Variants in PGBD5 observed in about 807,000 individuals in gnomAD.
PGBD5 encodes piggyBac transposable element derived 5.
A neutral mutation model predicts 47.9 loss-of-function variants in PGBD5; 14 were observed. That is an observed-to-expected ratio of 0.29 (90% CI 0.19 to 0.46). The LOEUF is 0.46. Ranked by LOEUF, PGBD5 falls within the 20% of genes least tolerant of loss-of-function variation. The pLI, the probability that PGBD5 is intolerant of heterozygous loss-of-function variation, is 1.00. For missense variants in PGBD5, 635 were observed against 716.0 expected (o/e 0.89, Z 1.29); for synonymous variants, 316 against 306.3 (o/e 1.03, Z -0.33).
chr1:230,412,098 A>C (rs1358004410), intron 1 of PGBD5, among the ~76,000 whole-genome samples: 1 of 152,144 alleles, frequency 6.6e-6, no homozygotes, highest in African/African-American at 2.4e-5. Flanking sequence ...GAGATAGAGA[A>C]GGAGAAGGGA....
At chr1:230,404,762 G>A (rs928322015) in intron 1 of PGBD5, among the ~76,000 whole-genome samples, 4 of 150,844 alleles carry the variant, frequency 2.7e-5, no homozygotes, top group Admixed American at 6.6e-5. Context: ...CAGAAATCCC[G>A]CCTCTACCAA....
chr1:230,395,991 C>T lies in PGBD5; in HGVS notation c.331+29607G>A, dbSNP rs1446746492. ...CAACCTCAAGCTCCTCTTTCTTTTGCTTCCCTCTTTCTTCCCTTTGCTTCC... is the reference window on the plus strand; with the variant it reads ...CAACCTCAAGCTCCTCTTTCTTTTGTTTCCCTCTTTCTTCCCTTTGCTTCC... On this transcript the variant is annotated intron_variant, in intron 1 of 6. Transcript: ENST00000391860. 2.4e-5 allele frequency among the ~76,000 whole-genome samples: 3 copies of T among 125,154 alleles called. No individual in the cohort carries two copies. In the East Asian group the frequency reaches 7.7e-4, roughly 32 times the overall value. 82.1% of individuals were successfully genotyped at this position (125,154 alleles called of 152,430 possible).
intron 1 of PGBD5, among the ~76,000 whole-genome samples, chr1:230,405,618 C>G (rs1281899440): frequency 6.6e-6 from 1 of 152,094 alleles, no homozygotes; most frequent in African/African-American, 2.4e-5. Flanking sequence ...TCCCCTAAGC[C>G]TTGTGTTGTT....
intron 1 of PGBD5, among the ~76,000 whole-genome samples, chr1:230,417,429 C>T (rs1216781334): frequency 6.6e-6 from 1 of 152,184 alleles, no homozygotes; most frequent in Non-Finnish European, 1.5e-5. Context: ...TGGATTCTAG[C>T]TACAGTTACT....
chr1:230,329,400 T>C (rs1459096077), intron 5 of PGBD5, among the ~76,000 whole-genome samples: 3 of 152,188 alleles, frequency 2.0e-5, no homozygotes, highest in Admixed American at 1.3e-4. Context: ...TTTCCTAAAA[T>C]TGGAAATTCT....
At chr1:230,381,226 C>T (rs1410275655) in intron 1 of PGBD5, among the ~76,000 whole-genome samples, 1 of 152,214 alleles carries the variant, frequency 6.6e-6, no homozygotes, top group African/African-American at 2.4e-5. Context: ...GTCTCCAAGC[C>T]CAGAGCACTT....
At chr1:230,358,504 G>A (rs1667693040) in intron 1 of PGBD5, among the ~76,000 whole-genome samples, 1 of 151,934 alleles carries the variant, frequency 6.6e-6, no homozygotes. Context: ...ATCTGAAGGG[G>A]CTTATTCATA....
intron 1 of PGBD5, among the ~76,000 whole-genome samples, chr1:230,405,180 G>A (rs1213803902): frequency 2.0e-5 from 3 of 148,668 alleles, no homozygotes; most frequent in Non-Finnish European, 4.5e-5. Flanking sequence ...GGGTGACAGA[G>A]TGAGACTCCA....
At chr1:230,337,077 C>A (rs761527287) in intron 4 of PGBD5, 31 bp downstream of exon 4, 1 of 1,605,766 alleles carries the variant, frequency 6.2e-7, no homozygotes, top group Non-Finnish European at 8.5e-7. Context: ...GAGGCTGGGC[C>A]GTATCCTCAC....
At position 230,357,739 on chromosome 1, in the gene PGBD5, G is replaced by A. The variant is rs1413744612; in HGVS notation, c.332-418C>T. Among the ~76,000 whole-genome samples the A allele has an allele frequency of 1.3e-5, 2 of 152,064 alleles. No homozygotes were observed. ...TCGGTCTAGGGAGTTTCACACACTC[G>A]GGGCACAAGCCGAGTCTTAACTAGA... On this transcript the variant is annotated intron_variant, in intron 1 of 6. Transcript: ENST00000391860. This position sits in a 1 kb window ranked among gnomAD's most constrained non-coding sequence, Gnocchi z 5.7.
At position 230,408,369 on chromosome 1, in the gene PGBD5, T is replaced by C. The variant is rs1021972000; in HGVS notation, c.331+17229A>G. Among the ~76,000 whole-genome samples, 5 of 152,286 alleles carry C rather than the reference T, an allele frequency of 3.3e-5. No homozygotes were observed. The South Asian group carries it at 6.2e-4, about 19-fold the overall frequency. On this transcript the variant is annotated intron_variant, in intron 1 of 6. Coordinates refer to ENST00000391860, the MANE Select transcript of PGBD5 (RefSeq NM_001258311.2). ...ATCTTGTATGTATGTATGCATGTAATGTAAAAGAACAATCAATCTCTGGGA... is the reference window on the plus strand; with the variant it reads ...ATCTTGTATGTATGTATGCATGTAACGTAAAAGAACAATCAATCTCTGGGA...
At chr1:230,387,504 TG>T (rs1214472355) in intron 1 of PGBD5, among the ~76,000 whole-genome samples, 24 of 152,176 alleles carry the variant, frequency 1.6e-4, no homozygotes, top group Non-Finnish European at 3.1e-4. Context: ...GAGGCCAGGC[TG>T]GGGGGAGGCT....
chr1:230,404,833 G>C (rs1657260789), intron 1 of PGBD5, among the ~76,000 whole-genome samples: 1 of 146,528 alleles, frequency 6.8e-6, no homozygotes, highest in African/African-American at 2.5e-5. Flanking sequence ...GCTGAGGCAG[G>C]AAAATTGCTT....
chr1:230,404,647 T>TAC (rs1657254254), intron 1 of PGBD5, among the ~76,000 whole-genome samples: 6 of 146,102 alleles, frequency 4.1e-5, no homozygotes, highest in Middle Eastern at 3.5e-3. Flanking sequence ...TATATATATA[T>TAC]ATGGCCTGGC....
intron 1 of PGBD5, among the ~76,000 whole-genome samples, chr1:230,401,443 T>C (rs564775840): frequency 4.9e-4 from 75 of 152,298 alleles, no homozygotes; most frequent in Admixed American, 7.8e-4. Context: ...ATCTGGCCTG[T>C]TGCTTGGGGC....
At chr1:230,344,866 A>C (rs1667454585) in intron 3 of PGBD5, among the ~76,000 whole-genome samples, 1 of 152,134 alleles carries the variant, frequency 6.6e-6, no homozygotes, top group East Asian at 1.9e-4. Context: ...ACAGCCACCC[A>C]GCCCTCTGAA....
intron 1 of PGBD5, among the ~76,000 whole-genome samples, chr1:230,410,993 G>A (rs1657394942): frequency 6.6e-6 from 1 of 152,004 alleles, no homozygotes. Flanking sequence ...AGGGAGAGAG[G>A]CCAGGTACAG....
At chr1:230,349,616 C>T (rs1320547428) in intron 3 of PGBD5, among the ~76,000 whole-genome samples, 1 of 150,422 alleles carries the variant, frequency 6.6e-6, no homozygotes, top group East Asian at 1.9e-4. Flanking sequence ...ATGCCTGGCA[C>T]AATTGTGTGC....
At chr1:230,395,831 A>G (rs1453635791) in intron 1 of PGBD5, among the ~76,000 whole-genome samples, 1 of 21,386 alleles carries the variant, frequency 4.7e-5, no homozygotes, top group Non-Finnish European at 8.4e-5. Flanking sequence ...CCCATCCCTG[A>G]GCTCCTCATT....
Sources: allele counts gnomAD v4.1 joint callset (sites outside exome capture counted in the v4.1 genomes callset), GRCh38; gene constraint gnomAD v4.1.1; non-coding constraint Gnocchi (gnomAD v3.1); transcripts MANE v1.5; gene names NCBI Gene and HGNC (gene_info 2026-07-23, HGNC 2026-07-21).